Variants in MIER2 observed in about 807,000 individuals in gnomAD.
MIER2 encodes mesoderm induction early response protein 2.
Under a neutral mutation model 67.6 loss-of-function variants are expected in MIER2, and 30 were observed. The observed-to-expected ratio is 0.44, with a 90% CI of 0.33 to 0.60. MIER2 has a LOEUF of 0.60. Among genes scored for constraint, MIER2 ranks in the 20% least tolerant of loss-of-function variants. The pLI, the probability that MIER2 is intolerant of heterozygous loss-of-function variation, is 0.02. For synonymous variants in MIER2, 372 were observed against 312.6 expected (o/e 1.19, Z -2.00); for missense variants, 702 against 745.1 (o/e 0.94, Z 0.67).
intron 7 of MIER2, among the ~76,000 whole-genome samples, chr19:317,725 T>TGA (rs1971316687): frequency 7.6e-6 from 1 of 130,814 alleles, no homozygotes; most frequent in African/African-American, 2.8e-5. Flanking sequence ...AGTGAGACTC[T>TGA]GTCTCAAAAA....
At position 308,681 on chromosome 19, in the gene MIER2, G is replaced by A. The variant is rs59415447; in HGVS notation, c.1110-16C>T. 13,069 of 1,598,924 alleles carry A rather than the reference G, an allele frequency of 8.2e-3. 772 individuals are homozygous for A. The African/African-American group carries it at 0.14, about 17-fold the overall frequency. ...GTCTGCGTCCCTGTGGGGAGAGGGC[G>A]CCATGAGGGGCGGCAGACAGGACAG... On this transcript the variant is annotated splice_polypyrimidine_tract_variant and intron_variant, in intron 11 of 13. Transcript: ENST00000264819. The surrounding 1 kb of genome is among the most constrained non-coding windows in gnomAD (Gnocchi z 9.1).
At chr19:343,870 T>C in intron 1 of MIER2, 2 of 985,404 alleles carry the variant, frequency 2.0e-6, no homozygotes, top group Non-Finnish European at 2.4e-6. Flanking sequence ...CACAGGCTCA[T>C]CCACCACTCC....
At chr19:338,928 A>G (rs1451573662) in intron 1 of MIER2, among the ~76,000 whole-genome samples, 2 of 152,226 alleles carry the variant, frequency 1.3e-5, no homozygotes, top group Admixed American at 6.5e-5. Context: ...GGCCTTAAAT[A>G]TAAGAGCCAA....
chr19:337,546 G>A (rs566614586), intron 1 of MIER2, among the ~76,000 whole-genome samples: 7 of 152,260 alleles, frequency 4.6e-5, no homozygotes, highest in Non-Finnish European at 7.4e-5. Flanking sequence ...TGTAGTCAGC[G>A]TAAAAGCATC....
chr19:340,073 T>C (rs1164957192), intron 1 of MIER2, among the ~76,000 whole-genome samples: 2 of 152,082 alleles, frequency 1.3e-5, no homozygotes, highest in Admixed American at 1.3e-4. Flanking sequence ...TCTTCACGGG[T>C]CCTCAAGAAA....
intron 2 of MIER2, among the ~76,000 whole-genome samples, chr19:335,573 G>GAAGA (rs1395528858): frequency 1.1e-4 from 17 of 152,326 alleles, no homozygotes; most frequent in African/African-American, 4.1e-4. Context: ...CCAGCCAGGG[G>GAAGA]AAGAACAGTC....
intron 1 of MIER2, among the ~76,000 whole-genome samples, chr19:342,697 T>C (rs1207418502): frequency 1.3e-5 from 2 of 151,402 alleles, no homozygotes; most frequent in Non-Finnish European, 2.9e-5. Flanking sequence ...ATAAAGTAGC[T>C]AGTACTGATC....
At chr19:337,784 G>C (rs1972326387) in intron 1 of MIER2, among the ~76,000 whole-genome samples, 1 of 148,922 alleles carries the variant, frequency 6.7e-6, no homozygotes, top group Non-Finnish European at 1.5e-5. Context: ...CAGGAGAATT[G>C]CTTGAACCAG....
intron 3 of MIER2, among the ~76,000 whole-genome samples, chr19:333,801 G>A (rs1158633582): frequency 2.0e-5 from 3 of 148,836 alleles, no homozygotes; most frequent in African/African-American, 5.0e-5. Flanking sequence ...TCATTCTCCC[G>A]CCTCAGCCTC....
At chr19:339,515 T>G (rs867315157) in intron 1 of MIER2, among the ~76,000 whole-genome samples, 28 of 152,214 alleles carry the variant, frequency 1.8e-4, no homozygotes, top group Middle Eastern at 3.2e-3. Context: ...GTCAAAATAG[T>G]GCAGCCACTT....
At chr19:313,429 G>A (rs995001044) in intron 8 of MIER2, 63 bp downstream of exon 8, 248 of 1,574,898 alleles carry the variant, frequency 1.6e-4, no homozygotes, top group Non-Finnish European at 2.1e-4. Context: ...GCACTGGGGT[G>A]TGAGCTCTGG....
intron 4 of MIER2, 65 bp downstream of exon 4, chr19:327,799 G>A (rs1205147158): frequency 1.3e-6 from 2 of 1,593,782 alleles, no homozygotes; most frequent in Non-Finnish European, 1.7e-6. Flanking sequence ...CCCCTCTGCA[G>A]AGAGGCAGCG....
At chr19:331,360 G>GAAAAAAAAA (rs917485905) in intron 3 of MIER2, among the ~76,000 whole-genome samples, 104 of 117,930 alleles carry the variant, frequency 8.8e-4, no homozygotes, top group African/African-American at 2.3e-3. Context: ...TCTGTCCCCA[G>GAAAAAAAAA]AAAAAAAAAA....
At chr19:339,341 C>T (rs1003772916) in intron 1 of MIER2, among the ~76,000 whole-genome samples, 3 of 152,082 alleles carry the variant, frequency 2.0e-5, no homozygotes, top group African/African-American at 4.8e-5. Flanking sequence ...GGCCAATAAG[C>T]ACAGGAAAAG....
intron 7 of MIER2, among the ~76,000 whole-genome samples, chr19:317,417 C>G (rs1971289577): frequency 1.4e-5 from 2 of 143,262 alleles, no homozygotes; most frequent in South Asian, 4.4e-4. Context: ...GTCCCAGCTA[C>G]TCAGGAGGCT....
intron 3 of MIER2, among the ~76,000 whole-genome samples, chr19:328,645 G>C (rs1400794456): frequency 1.3e-5 from 2 of 152,104 alleles, no homozygotes; most frequent in African/African-American, 4.8e-5. Flanking sequence ...CTACTCAAGA[G>C]GCTGAAGCAC....
At chr19:328,565 T>C (rs1367405563) in intron 3 of MIER2, among the ~76,000 whole-genome samples, 3 of 151,910 alleles carry the variant, frequency 2.0e-5, no homozygotes, top group Non-Finnish European at 4.4e-5. Flanking sequence ...CTGGGCAACA[T>C]GGCGAAATCC....
Position 308,952 on chromosome 19 carries a change from C to T in MIER2, c.985-27G>A. ...TGCGGGGAGGGGTCAGGAGCCATCT[C>T]TGTCCCCGGCTGCCCAGCCCCAGCA... On this transcript the variant is annotated intron_variant, in intron 10 of 13. Transcript: ENST00000264819. This position sits in a 1 kb window ranked among gnomAD's most constrained non-coding sequence, Gnocchi z 9.1. 6.3e-6 allele frequency: 10 copies of T among 1,585,168 alleles called. No individual in the cohort carries two copies. The highest frequency in any genetic ancestry group is 8.6e-6 in the Non-Finnish European group (10 of 1,159,304).
At chr19:324,449 T>G (rs113687805) in intron 7 of MIER2, among the ~76,000 whole-genome samples, 1 of 133,804 alleles carries the variant, frequency 7.5e-6, no homozygotes, top group African/African-American at 3.1e-5. Context: ...ACGACTCGAA[T>G]GACACAGACG....
Sources: gnomAD v4.1 joint callset for allele counts (sites outside exome capture counted in the v4.1 genomes callset) on GRCh38, gnomAD v4.1.1 for gene constraint, Gnocchi (gnomAD v3.1) non-coding constraint, MANE v1.5 for transcripts, NCBI Gene and HGNC (gene_info 2026-07-23, HGNC 2026-07-21) for gene names.